Variants in GDE1 observed in about 807,000 individuals in gnomAD.
The protein encoded by GDE1 is glycerophosphodiester phosphodiesterase 1.
In GDE1, 24 loss-of-function variants were observed where a neutral mutation model predicts 32.2. That is an observed-to-expected ratio of 0.75 (90% CI 0.54 to 1.05). The LOEUF (loss-of-function observed/expected upper bound fraction) is 1.05. Among genes scored for constraint, GDE1 ranks in the 50% least tolerant of loss-of-function variants. The pLI, the probability that GDE1 is intolerant of heterozygous loss-of-function variation, is 0.00. For synonymous variants in GDE1, 159 were observed against 158.6 expected (o/e 1.00, Z -0.02); for missense variants, 380 against 415.0 (o/e 0.92, Z 0.73).
chr16:19,517,326 A>G (rs1969394503), intron 1 of GDE1, 137 bp from the exon 2 acceptor site: 1 of 663,360 alleles, frequency 1.5e-6, no homozygotes, highest in South Asian at 1.8e-5. Context: ...CCCACCAAAC[A>G]GCAATCCTGA....
intron 3 of GDE1, 143 bp downstream of exon 3, chr16:19,510,696 T>C (rs1220657432): frequency 2.3e-6 from 1 of 438,992 alleles, no homozygotes; most frequent in African/African-American, 2.0e-5. Context: ...GATTCCTGCA[T>C]TGTACACTTC....
Position 19,522,046 on chromosome 16 carries a change from T to A in GDE1, c.-82A>T, listed in dbSNP as rs1327549518. 7.2e-7 allele frequency: 1 copy of A among 1,396,064 alleles called. No individual in the cohort carries two copies. The highest frequency in any genetic ancestry group is 9.5e-7 in the Non-Finnish European group (1 of 1,051,052). 86.5% of individuals were successfully genotyped at this position (1,396,064 alleles called of 1,614,324 possible). ...GTAGAACGAGAAGCGAGGGGGAGGG[T>A]CCAAGGCACCGGCAGCAGCAGGAAC... On this transcript the variant is annotated 5_prime_UTR_variant, in exon 1 of 6. Transcript: ENST00000353258.
In GDE1 at chr16:19,510,882, T is replaced by C. The variant is rs1232246500; in HGVS notation, c.500A>G (p.His167Arg). ...GACATCAAAGAAGATTGTGAGGTTATGGTTTAGGCACTCTGCAACAGCTTC... is the reference window on the plus strand; with the variant it reads ...GACATCAAAGAAGATTGTGAGGTTACGGTTTAGGCACTCTGCAACAGCTTC... ...LREAVAECLN[H>R]NLTIFFDVKG... Residue 167 changes from histidine (H) to arginine (R), a missense_variant, in exon 3 of 6, where the codon CAT becomes CGT. His to Arg is a conservative substitution (Grantham distance 29). Coordinates refer to ENST00000353258, the MANE Select transcript of GDE1 (RefSeq NM_016641.4). 1 of 1,603,638 alleles carries C rather than the reference T, an allele frequency of 6.2e-7. No homozygotes were observed. The highest frequency in any genetic ancestry group is 8.5e-7 in the Non-Finnish European group (1 of 1,173,438).
chr16:19,511,678 C>G (rs1969320377), intron 2 of GDE1, among the ~76,000 whole-genome samples: 1 of 152,116 alleles, frequency 6.6e-6, no homozygotes, highest in South Asian at 2.1e-4. Context: ...TATGTTTGTA[C>G]TCATTAACCA....
intron 1 of GDE1, among the ~76,000 whole-genome samples, chr16:19,519,449 C>CATATAT (rs111659244): frequency 0.053 from 7,751 of 146,744 alleles, 422 homozygotes; most frequent in East Asian, 0.26. Flanking sequence ...TGTGTATGTG[C>CATATAT]ATATATATAT....
chr16:19,517,015 T>C lies in GDE1; in HGVS notation c.436A>G (p.Arg146Gly), dbSNP rs200309947. ...KLNPAANHRL[R>G]NDFPDEKIPT... The stretch of plus-strand genomic sequence containing the variant: ...TTTAAGTGACAATAAACTACTTACC[T>C]GAGTCTGTGGTTTGCTGCAGGATTC... The change falls in exon 2 of 6, where the codon AGG becomes GGG. Residue 146 changes from arginine (R) to glycine (G), a missense_variant and splice_region_variant. Arg to Gly is a moderately radical substitution (Grantham distance 125). Transcript: ENST00000353258. The C allele has an allele frequency of 2.1e-4, 338 of 1,613,206 alleles. No homozygotes were observed. The highest frequency in any genetic ancestry group is 2.7e-4 in the Non-Finnish European group (317 of 1,179,298).
At chr16:19,512,656 C>T (rs922503484) in intron 2 of GDE1, among the ~76,000 whole-genome samples, 1 of 151,982 alleles carries the variant, frequency 6.6e-6, no homozygotes, top group East Asian at 1.9e-4. Flanking sequence ...GAGCTTTTCC[C>T]CTGTGTTTTC....
chr16:19,508,803 G>A (rs770426310), intron 3 of GDE1, among the ~76,000 whole-genome samples: 1 of 152,118 alleles, frequency 6.6e-6, no homozygotes, highest in Non-Finnish European at 1.5e-5. Flanking sequence ...CTCAGTCAAG[G>A]ACTGTTGGAG....
chr16:19,506,970 C>T (rs979255739), intron 4 of GDE1, among the ~76,000 whole-genome samples: 1 of 151,470 alleles, frequency 6.6e-6, no homozygotes, highest in Non-Finnish European at 1.5e-5. Flanking sequence ...CCTGTCTCTA[C>T]AAAAAATAAA....
At chr16:19,517,216 T>C (rs1365295454) in intron 1 of GDE1, 27 bp from the exon 2 acceptor site, 2 of 1,577,912 alleles carry the variant, frequency 1.3e-6, no homozygotes, top group African/African-American at 1.3e-5. Context: ...AGAATATTAC[T>C]GTCAAATGGC....
intron 2 of GDE1, among the ~76,000 whole-genome samples, chr16:19,514,385 A>C (rs1969355293): frequency 6.6e-6 from 1 of 152,198 alleles, no homozygotes; most frequent in Non-Finnish European, 1.5e-5. Flanking sequence ...AAGACCAGCA[A>C]CAACAACAAA....
chr16:19,512,369 A>T (rs1313125325), intron 2 of GDE1, among the ~76,000 whole-genome samples: 1 of 151,962 alleles, frequency 6.6e-6, no homozygotes, highest in East Asian at 1.9e-4. Flanking sequence ...TCCTCTTTTG[A>T]AAAATGTTTA....
intron 2 of GDE1, among the ~76,000 whole-genome samples, chr16:19,513,959 T>C (rs1266822494): frequency 1.3e-5 from 2 of 152,110 alleles, no homozygotes; most frequent in Non-Finnish European, 2.9e-5. Flanking sequence ...TGGTGACAAG[T>C]GAGCATTGAA....
In GDE1 at chr16:19,502,956, C is replaced by A. The variant is rs1969197263; in HGVS notation, c.*514G>T. ...GATTGCATGGTGGCTTCCCCAAATT[C>A]CGTATGCCTTAGGATATGATGCTTG... is the stretch of plus-strand genomic sequence containing the variant. On this transcript the variant is annotated 3_prime_UTR_variant, in exon 6 of 6. Transcript: ENST00000353258. The A allele has an allele frequency of 6.6e-6, 1 of 152,506 alleles. No homozygotes were observed. The highest frequency in any genetic ancestry group is 1.5e-5 in the Non-Finnish European group (1 of 68,284). The allele number at this position is 152,506 out of a possible 1,614,324, so 9.4% of individuals were successfully genotyped here. A position where few individuals can be genotyped will look rare whatever the true frequency, so the allele number is the denominator to read the frequency against.
At chr16:19,509,232 G>A (rs1969286295) in intron 3 of GDE1, among the ~76,000 whole-genome samples, 1 of 152,176 alleles carries the variant, frequency 6.6e-6, no homozygotes, top group South Asian at 2.1e-4. Flanking sequence ...AACCCCGGAG[G>A]CAGAGGTTGC....
At chr16:19,503,693 G>A in intron 5 of GDE1, 76 bp from the exon 6 acceptor site, 1 of 1,196,298 alleles carries the variant, frequency 8.4e-7, no homozygotes, top group Non-Finnish European at 1.2e-6. Flanking sequence ...CACTAAGTAT[G>A]GTGTTCACTG....
At position 19,504,931 on chromosome 16, in the gene GDE1, C is replaced by T; in HGVS notation, c.798G>A (p.Trp266Ter). 6.2e-7 allele frequency: 1 copy of T among 1,613,674 alleles called. No individual in the cohort carries two copies. The highest frequency in any genetic ancestry group is 8.5e-7 in the Non-Finnish European group (1 of 1,179,598). ...GGAAAGCTGAAATTCCACACAGGTA[C>T]CACAAGATATTATGCATGCTCCAAT... Reference protein sequence around the residue: ...LLDWSMHNILWYLCGISAFLM... With the variant: ...LLDWSMHNIL The change falls in exon 5 of 6, where the codon TGG becomes TGA. Residue 266 changes from tryptophan to a stop codon, truncating the protein, a stop_gained. Coordinates refer to ENST00000353258, the MANE Select transcript of GDE1 (RefSeq NM_016641.4). LOFTEE classifies it high-confidence loss of function.
intron 3 of GDE1, among the ~76,000 whole-genome samples, chr16:19,508,186 G>A (rs1235311109): frequency 2.0e-5 from 3 of 152,108 alleles, no homozygotes; most frequent in Non-Finnish European, 4.4e-5. Flanking sequence ...AGCCAGTCTG[G>A]GAACTACAGA....
chr16:19,506,696 T>C (rs943102453), intron 4 of GDE1, among the ~76,000 whole-genome samples: 14 of 152,324 alleles, frequency 9.2e-5, no homozygotes, highest in Non-Finnish European at 1.3e-4. Flanking sequence ...TTGGGTCCTA[T>C]TCGAATGAGC....
Sources: gnomAD v4.1 joint callset for allele counts (sites outside exome capture counted in the v4.1 genomes callset) on GRCh38, gnomAD v4.1.1 for gene constraint, MANE v1.5 for transcripts, NCBI Gene and HGNC (gene_info 2026-07-23, HGNC 2026-07-21) for gene names.